The following RBMS3 variants were observed in gnomAD, a reference collection of about 807,000 sequenced individuals.
RBMS3 encodes the protein RNA-binding motif, single-stranded-interacting protein 3.
In RBMS3, 27 loss-of-function variants were observed where a neutral mutation model predicts 66.8. The observed-to-expected ratio is 0.40, with a 90% CI of 0.30 to 0.56. The LOEUF (loss-of-function observed/expected upper bound fraction) is 0.56. Among genes scored for constraint, RBMS3 ranks in the 20% least tolerant of loss-of-function variants. The pLI, the probability that RBMS3 is intolerant of heterozygous loss-of-function variation, is 0.40. For missense variants in RBMS3, 513 were observed against 549.5 expected, an observed-to-expected ratio of 0.93 and a Z score of 0.66; for synonymous variants, 188 against 183.0, an observed-to-expected ratio of 1.03 and a Z score of -0.22.
intron 3 of RBMS3, among the ~76,000 whole-genome samples, chr3:29,530,589 C>T (rs748100517): frequency 2.6e-5 from 4 of 151,686 alleles, no homozygotes; most frequent in Admixed American, 1.3e-4. Flanking sequence ...CTGCCTGGCA[C>T]GGTGGCTCAC....
chr3:29,476,793 C>T (rs1242837907), intron 2 of RBMS3, among the ~76,000 whole-genome samples: 2 of 151,978 alleles, frequency 1.3e-5, no homozygotes, highest in Non-Finnish European at 2.9e-5. Flanking sequence ...GTTATTTCTG[C>T]ATTATATGGC....
At chr3:29,779,475 G>A (rs2056546714) in intron 6 of RBMS3, among the ~76,000 whole-genome samples, 2 of 151,244 alleles carry the variant, frequency 1.3e-5, no homozygotes, top group Admixed American at 6.6e-5. Flanking sequence ...ATCTGATAAT[G>A]CTTTTTATTC....
intron 6 of RBMS3, among the ~76,000 whole-genome samples, chr3:29,862,408 C>G (rs1559747524): frequency 6.6e-6 from 1 of 152,166 alleles, no homozygotes; most frequent in Admixed American, 6.5e-5. Context: ...CACATACATA[C>G]ACACGGCAAA....
chr3:29,991,165 C>T lies in RBMS3; in HGVS notation c.1263C>T (p.Asp421=), dbSNP rs1052678733. 9.9e-6 allele frequency: 16 copies of T among 1,614,008 alleles called. No homozygotes were observed. The Admixed American group carries it at 1.8e-4, about 18-fold the overall frequency. ...GTCAGCAGCAACAGATAGCAGTGGA[C>T]ACATCCAACGAACATGCACCTGCAT... is the stretch of plus-strand genomic sequence containing the variant. ...TSGQQQQIAV[D]TSNEHAPAYS... The change falls in exon 14 of 15, where the codon GAC becomes GAT. Residue 421 remains aspartate (D), a synonymous_variant. Coordinates refer to ENST00000383767, the MANE Select transcript of RBMS3 (RefSeq NM_001003793.3).
chr3:29,581,820 CTG>C (rs1461788954), intron 3 of RBMS3, among the ~76,000 whole-genome samples: 1 of 152,130 alleles, frequency 6.6e-6, no homozygotes, highest in Non-Finnish European at 1.5e-5. Flanking sequence ...CCTTGGCTCA[CTG>C]TTGATGGCCC....
intron 4 of RBMS3, among the ~76,000 whole-genome samples, chr3:29,729,671 A>G (rs1384338619): frequency 1.3e-5 from 2 of 152,040 alleles, no homozygotes; most frequent in Non-Finnish European, 2.9e-5. Flanking sequence ...CTTTTTAATG[A>G]TCACCATTCT....
chr3:29,761,243 A>G (rs898865703), intron 5 of RBMS3, among the ~76,000 whole-genome samples: 2 of 152,126 alleles, frequency 1.3e-5, no homozygotes, highest in Admixed American at 6.6e-5. Context: ...CCATCGATAC[A>G]GAAAGATGCA....
intron 3 of RBMS3, 26 bp downstream of exon 3, chr3:29,488,525 G>A: frequency 6.3e-7 from 1 of 1,589,138 alleles, no homozygotes; most frequent in Non-Finnish European, 8.6e-7. Flanking sequence ...TCCGTACCCT[G>A]AAATCTTGCC....
At chr3:29,939,661 C>T (rs2061345107) in intron 11 of RBMS3, among the ~76,000 whole-genome samples, 1 of 151,846 alleles carries the variant, frequency 6.6e-6, no homozygotes, top group Non-Finnish European at 1.5e-5. Flanking sequence ...CCTCAGACCT[C>T]TCTGGCCATT....
chr3:29,727,037 A>G (rs2053913911), intron 4 of RBMS3, among the ~76,000 whole-genome samples: 1 of 152,174 alleles, frequency 6.6e-6, no homozygotes, highest in South Asian at 2.1e-4. Flanking sequence ...AGTGGAACAG[A>G]ACAGAGGCCT....
chr3:29,658,085 T>G (rs970611463), intron 4 of RBMS3, among the ~76,000 whole-genome samples: 1 of 152,190 alleles, frequency 6.6e-6, no homozygotes, highest in African/African-American at 2.4e-5. Context: ...TACCTGTAAT[T>G]CTTGGCAAGT....
chr3:29,515,992 T>A (rs1343255078), intron 3 of RBMS3, among the ~76,000 whole-genome samples: 4 of 152,130 alleles, frequency 2.6e-5, no homozygotes, highest in Non-Finnish European at 5.9e-5. Context: ...AAAATTGATA[T>A]TGGAATTGTT....
chr3:29,739,413 G>A (rs1306044018), intron 4 of RBMS3, among the ~76,000 whole-genome samples: 4 of 145,424 alleles, frequency 2.8e-5, no homozygotes, highest in South Asian at 2.2e-4. Context: ...TCGAGATCGC[G>A]CCACTGCACT....
At position 29,737,010 on chromosome 3, in the gene RBMS3, G is replaced by T. The variant is rs149419077; in HGVS notation, c.400-2710G>T. On this transcript the variant is annotated intron_variant, in intron 4 of 14. Coordinates refer to ENST00000383767, the MANE Select transcript of RBMS3 (RefSeq NM_001003793.3). ...TGTTTTTTTTTTGAGACGGACTCTC[G>T]CTGTCGCCCAGGCTGGAGTGCAGTG... Among the ~76,000 whole-genome samples the T allele has an allele frequency of 7.9e-4, 119 of 151,430 alleles. No homozygotes were observed. The Middle Eastern group carries it at 0.024, about 30-fold the overall frequency.
At chr3:29,720,077 C>G (rs1196221844) in intron 4 of RBMS3, among the ~76,000 whole-genome samples, 1 of 151,390 alleles carries the variant, frequency 6.6e-6, no homozygotes, top group Non-Finnish European at 1.5e-5. Flanking sequence ...CCCTGCCTAC[C>G]TTTCCAAAGT....
chr3:29,436,607 T>C (rs1441964206), intron 2 of RBMS3, among the ~76,000 whole-genome samples: 2 of 152,216 alleles, frequency 1.3e-5, no homozygotes, highest in Non-Finnish European at 2.9e-5. Flanking sequence ...ATGTGAAACA[T>C]TGTAGACTTT....
intron 2 of RBMS3, among the ~76,000 whole-genome samples, chr3:29,442,672 G>A (rs1042800333): frequency 1.3e-5 from 2 of 152,016 alleles, no homozygotes; most frequent in African/African-American, 2.4e-5. Context: ...TTTTAAGGGC[G>A]GGACTCTGGC....
At chr3:29,324,572 T>C (rs1218487978) in intron 1 of RBMS3, among the ~76,000 whole-genome samples, 1 of 152,140 alleles carries the variant, frequency 6.6e-6, no homozygotes, top group East Asian at 1.9e-4. Context: ...CTGGAGTGGG[T>C]AGGATTGTTT....
At chr3:29,511,320 G>T (rs778751640) in intron 3 of RBMS3, among the ~76,000 whole-genome samples, 1 of 151,970 alleles carries the variant, frequency 6.6e-6, no homozygotes, top group Non-Finnish European at 1.5e-5. Context: ...AAATAAAAAA[G>T]GTTATTTTAA....
Sources: gnomAD v4.1 joint callset for allele counts (sites outside exome capture counted in the v4.1 genomes callset) on GRCh38, gnomAD v4.1.1 for gene constraint, MANE v1.5 for transcripts, NCBI Gene and HGNC (gene_info 2026-07-23, HGNC 2026-07-21) for gene names.